The following ERBB4 variants were observed in gnomAD, a reference collection of about 807,000 sequenced individuals.
ERBB4 encodes receptor tyrosine-protein kinase erbB-4.
Under a neutral mutation model 158.0 loss-of-function variants are expected in ERBB4, and 42 were observed. That is an observed-to-expected ratio of 0.27 (90% CI 0.21 to 0.34). The LOEUF (loss-of-function observed/expected upper bound fraction) is 0.34. ERBB4 is among the 10% of genes least tolerant of loss of function. The pLI is 1.00. For synonymous variants in ERBB4, 583 were observed against 558.7 expected (o/e 1.04, Z -0.61); for missense variants, 1,333 against 1,624.1 (o/e 0.82, Z 3.08).
At chr2:211,631,704 T>C (rs558739682) in intron 16 of ERBB4, among the ~76,000 whole-genome samples, 35 of 152,294 alleles carry the variant, frequency 2.3e-4, no homozygotes, top group East Asian at 1.7e-3. Flanking sequence ...CTTAATCATA[T>C]GAATTTTGTA....
At chr2:211,992,567 G>GAGGAA (rs1553528768) in intron 2 of ERBB4, among the ~76,000 whole-genome samples, 2 of 125,242 alleles carry the variant, frequency 1.6e-5, no homozygotes, top group Non-Finnish European at 3.2e-5. Flanking sequence ...GAGAGAGAGA[G>GAGGAA]AAAAAAAAAA....
intron 1 of ERBB4, among the ~76,000 whole-genome samples, chr2:212,330,355 C>T (rs1161109400): frequency 6.6e-6 from 1 of 152,144 alleles, no homozygotes; most frequent in South Asian, 2.1e-4. Flanking sequence ...TGGTGGCTCA[C>T]GCCTGTAATC....
At chr2:212,124,585 T>C in intron 2 of ERBB4, 167 bp downstream of exon 2, 2 of 705,550 alleles carry the variant, frequency 2.8e-6, no homozygotes, top group Admixed American at 2.3e-5. Flanking sequence ...TTTGTTACTC[T>C]TGTTCTTTTC....
At chr2:212,310,357 T>C (rs2086985608) in intron 1 of ERBB4, among the ~76,000 whole-genome samples, 1 of 150,832 alleles carries the variant, frequency 6.6e-6, no homozygotes. Flanking sequence ...ACAGATGATA[T>C]TCAGCCTCCC....
At chr2:211,494,110 C>A (rs1574603592) in intron 20 of ERBB4, among the ~76,000 whole-genome samples, 1 of 152,222 alleles carries the variant, frequency 6.6e-6, no homozygotes, top group East Asian at 1.9e-4. Flanking sequence ...TCAAACAATT[C>A]TTGGGCTTCA....
intron 20 of ERBB4, among the ~76,000 whole-genome samples, chr2:211,527,384 T>G (rs2066377679): frequency 6.6e-6 from 1 of 151,920 alleles, no homozygotes; most frequent in African/African-American, 2.4e-5. Context: ...AAATAGAAAT[T>G]TTGCCAGACA....
At position 212,052,234 on chromosome 2, in the gene ERBB4, T is replaced by C. The variant is rs1429600942; in HGVS notation, c.234+72518A>G. Among the ~76,000 whole-genome samples, 3 of 152,210 alleles carry C rather than the reference T, an allele frequency of 2.0e-5. No homozygotes were observed. The East Asian group carries it at 5.8e-4, about 29-fold the overall frequency. ...TGTTTCCTGCCCTCAAACATCAGAC[T>C]CCTAGCTCTTCAGCTTCTGGACCCT... is the stretch of plus-strand genomic sequence containing the variant. On this transcript the variant is annotated intron_variant, in intron 2 of 27. Transcript: ENST00000342788.
chr2:211,740,003 A>T (rs1009806643), intron 5 of ERBB4, among the ~76,000 whole-genome samples: 4 of 152,200 alleles, frequency 2.6e-5, no homozygotes, highest in Non-Finnish European at 5.9e-5. Flanking sequence ...AGTTGTTAAC[A>T]TCAGAATCTG....
At chr2:211,902,643 T>C (rs1218223390) in intron 3 of ERBB4, among the ~76,000 whole-genome samples, 3 of 151,788 alleles carry the variant, frequency 2.0e-5, no homozygotes, top group Non-Finnish European at 4.4e-5. Flanking sequence ...GCAAATAAAG[T>C]ATTGAGAAGC....
At chr2:212,264,550 G>A (rs553739867) in intron 1 of ERBB4, among the ~76,000 whole-genome samples, 1 of 152,106 alleles carries the variant, frequency 6.6e-6, no homozygotes, top group Admixed American at 6.6e-5. Context: ...TTTTACAGAG[G>A]TCCTGGTCAA....
chr2:212,386,377 G>T (rs1043299657), intron 1 of ERBB4, among the ~76,000 whole-genome samples: 4 of 151,772 alleles, frequency 2.6e-5, no homozygotes, highest in Admixed American at 6.6e-5. Context: ...TTTGGGTGGG[G>T]AATGGCACAA....
In ERBB4 at chr2:212,106,934, C is replaced by T. The variant is rs995589312; in HGVS notation, c.234+17818G>A. Among the ~76,000 whole-genome samples the T allele has an allele frequency of 2.0e-5, 3 of 152,330 alleles. No homozygotes were observed. In the Middle Eastern group the frequency reaches 0.01, roughly 518 times the overall value. On this transcript the variant is annotated intron_variant, in intron 2 of 27. Transcript: ENST00000342788. ...AAGATTTGAGGTTTGGGAACCTCTG[C>T]CTAGATTTCAGAGGACCTATGGAAA...
chr2:211,576,506 T>C (rs915871948), intron 19 of ERBB4, among the ~76,000 whole-genome samples: 20 of 152,142 alleles, frequency 1.3e-4, no homozygotes, highest in Admixed American at 3.9e-4. Flanking sequence ...ATCATAGTTA[T>C]TTTGTTGTAT....
In ERBB4 at chr2:212,391,545, T is replaced by TA. The variant is rs2090854682; in HGVS notation, c.82+146903dup. Among the ~76,000 whole-genome samples, 7 of 147,524 alleles carry TA rather than the reference T, an allele frequency of 4.7e-5. No homozygotes were observed. The Admixed American group carries it at 4.7e-4, about 10-fold the overall frequency. ...TCTGCATTGTATGGCCTCATAGATA[T>TA]ATCACCAACAGCACTGTCTATAAAA... On this transcript the variant is annotated intron_variant, in intron 1 of 27. Transcript: ENST00000342788.
intron 3 of ERBB4, among the ~76,000 whole-genome samples, chr2:211,920,235 T>C (rs918971251): frequency 3.3e-5 from 5 of 151,998 alleles, no homozygotes; most frequent in African/African-American, 1.2e-4. Context: ...TGGCTTATTG[T>C]GCGTCTGAGA....
At chr2:212,026,460 A>T (rs914169604) in intron 2 of ERBB4, among the ~76,000 whole-genome samples, 4 of 151,856 alleles carry the variant, frequency 2.6e-5, no homozygotes, top group Non-Finnish European at 5.9e-5. Flanking sequence ...TAAGTGTATG[A>T]ACAAATTCGT....
At chr2:211,470,010 G>C (rs543475263) in intron 20 of ERBB4, among the ~76,000 whole-genome samples, 18 of 151,864 alleles carry the variant, frequency 1.2e-4, no homozygotes, top group African/African-American at 4.1e-4. Context: ...AAAACATGAG[G>C]AACAAGGTAC....
chr2:211,839,365 T>TAA (rs57264718), intron 3 of ERBB4, among the ~76,000 whole-genome samples: 73 of 151,316 alleles, frequency 4.8e-4, no homozygotes, highest in South Asian at 1.0e-3. Flanking sequence ...CAAGATATAA[T>TAA]AAAAAAAAAT....
intron 2 of ERBB4, among the ~76,000 whole-genome samples, chr2:212,004,882 T>A (rs1234598679): frequency 6.6e-6 from 1 of 152,124 alleles, no homozygotes; most frequent in African/African-American, 2.4e-5. Flanking sequence ...TTGATTTAAC[T>A]AAATTACATG....
Sources: gnomAD v4.1 joint callset for allele counts (sites outside exome capture counted in the v4.1 genomes callset) on GRCh38, gnomAD v4.1.1 for gene constraint, MANE v1.5 for transcripts, NCBI Gene and HGNC (gene_info 2026-07-23, HGNC 2026-07-21) for gene names.